The following MTA3 variants were observed in gnomAD, a reference collection of about 807,000 sequenced individuals.
MTA3 encodes metastasis-associated protein MTA3.
MTA3 carries 34 observed loss-of-function variants against 83.5 expected under a neutral mutation model. The observed-to-expected ratio is 0.41, with a 90% CI of 0.31 to 0.54. The LOEUF is 0.54. MTA3 is among the 20% of genes least tolerant of loss of function. The pLI is 0.33. For synonymous variants in MTA3, 303 were observed against 252.7 expected, an observed-to-expected ratio of 1.20 and a Z score of -1.89; for missense variants, 761 against 726.4, an observed-to-expected ratio of 1.05 and a Z score of -0.55.
At chr2:42,604,658 A>G (rs1683018948) in intron 3 of MTA3, among the ~76,000 whole-genome samples, 1 of 135,344 alleles carries the variant, frequency 7.4e-6, no homozygotes, top group South Asian at 2.7e-4. Flanking sequence ...TCATGGGACA[A>G]TAGTGGAGGG....
intron 4 of MTA3, among the ~76,000 whole-genome samples, chr2:42,611,760 A>G (rs1431266151): frequency 1.3e-5 from 2 of 152,132 alleles, no homozygotes; most frequent in African/African-American, 4.8e-5. Context: ...GGCTGCTGTG[A>G]GCCACAGTTA....
chr2:42,701,129 T>C (rs923232179), intron 11 of MTA3, among the ~76,000 whole-genome samples: 4 of 151,584 alleles, frequency 2.6e-5, no homozygotes, highest in African/African-American at 9.7e-5. Flanking sequence ...TAATAAATAA[T>C]ACATTTTTAT....
intron 2 of MTA3, among the ~76,000 whole-genome samples, chr2:42,544,652 G>A (rs1420858710): frequency 1.3e-5 from 2 of 151,082 alleles, no homozygotes; most frequent in African/African-American, 4.9e-5. Flanking sequence ...CTCCCAAAGT[G>A]CTGGGATTAC....
intron 14 of MTA3, among the ~76,000 whole-genome samples, 167 bp from the exon 15 acceptor site, chr2:42,718,821 G>A (rs1667213233): frequency 6.6e-6 from 1 of 152,082 alleles, no homozygotes; most frequent in Non-Finnish European, 1.5e-5. Context: ...TTTAGAAATT[G>A]GGAACCAGAA....
chr2:42,509,788 CA>C (rs1015550458), intron 2 of MTA3, among the ~76,000 whole-genome samples: 95 of 151,150 alleles, frequency 6.3e-4, no homozygotes, highest in Non-Finnish European at 1.1e-3. Context: ...AAAAACAAAA[CA>C]AAAAAAAGTA....
intron 16 of MTA3, among the ~76,000 whole-genome samples, chr2:42,737,868 A>G (rs544974831): frequency 3.9e-5 from 6 of 152,216 alleles, no homozygotes; most frequent in Non-Finnish European, 5.9e-5. Flanking sequence ...ATTTACAGGC[A>G]TACCTCAGAG....
chr2:42,568,089 G>C, upstream of MTA3: 1 of 152,260 alleles, frequency 6.6e-6, no homozygotes, highest in East Asian at 1.9e-4. Context: ...CCTAGAGCCT[G>C]CAGGCTCCAG....
intron 3 of MTA3, among the ~76,000 whole-genome samples, chr2:42,580,006 C>G (rs551267437): frequency 6.6e-6 from 1 of 151,970 alleles, no homozygotes; most frequent in African/African-American, 2.4e-5. Context: ...TGCAGTGGCA[C>G]AATCATGGCT....
chr2:42,572,642 T>A (rs1678617921), intron 2 of MTA3, among the ~76,000 whole-genome samples: 2 of 152,184 alleles, frequency 1.3e-5, no homozygotes, highest in South Asian at 4.1e-4. Flanking sequence ...CCAATTAAAA[T>A]TTTCACATTA....
At chr2:42,662,168 A>T (rs897800848) in intron 8 of MTA3, among the ~76,000 whole-genome samples, 3 of 152,108 alleles carry the variant, frequency 2.0e-5, no homozygotes, top group Non-Finnish European at 4.4e-5. Flanking sequence ...ATATAATACT[A>T]CACAACATTA....
At chr2:42,673,913 G>A (rs1453981767) in intron 8 of MTA3, among the ~76,000 whole-genome samples, 1 of 152,228 alleles carries the variant, frequency 6.6e-6, no homozygotes, top group Non-Finnish European at 1.5e-5. Flanking sequence ...GGTGAATTAA[G>A]TTCTTTAGTC....
At chr2:42,657,100 C>T (rs1215753030) in intron 7 of MTA3, among the ~76,000 whole-genome samples, 1 of 152,102 alleles carries the variant, frequency 6.6e-6, no homozygotes, top group Non-Finnish European at 1.5e-5. Flanking sequence ...ATATAGGGAA[C>T]TCTAACAAAT....
At chr2:42,508,411 A>G (rs1309204486) in intron 2 of MTA3, among the ~76,000 whole-genome samples, 1 of 151,970 alleles carries the variant, frequency 6.6e-6, no homozygotes, top group African/African-American at 2.4e-5. Flanking sequence ...CACTCATTGC[A>G]GCCTCAACCT....
chr2:42,673,984 T>A (rs1456388481), intron 8 of MTA3, among the ~76,000 whole-genome samples: 1 of 152,196 alleles, frequency 6.6e-6, no homozygotes, highest in Non-Finnish European at 1.5e-5. Flanking sequence ...ACAACAAGCA[T>A]TGATTTCTGA....
At chr2:42,709,227 T>C in intron 14 of MTA3, 131 bp downstream of exon 14, 1 of 1,445,744 alleles carries the variant, frequency 6.9e-7, no homozygotes, top group Non-Finnish European at 9.1e-7. Flanking sequence ...TTTTATTTGG[T>C]TTATTTTTTA....
intron 3 of MTA3, among the ~76,000 whole-genome samples, chr2:42,585,555 A>C (rs988958835): frequency 2.7e-5 from 4 of 148,998 alleles, no homozygotes; most frequent in Non-Finnish European, 4.4e-5. Context: ...GCTCACTGCA[A>C]CCTCCGCCTC....
At chr2:42,571,412 TTGAGA>T (rs1678466508) in intron 2 of MTA3, among the ~76,000 whole-genome samples, 1 of 142,694 alleles carries the variant, frequency 7.0e-6, no homozygotes. Flanking sequence ...AAAAAAAAAG[TTGAGA>T]TTTTAGAGAG....
chr2:42,722,822 C>T (rs529294283), intron 15 of MTA3, 67 bp from the exon 16 acceptor site: 58 of 1,509,892 alleles, frequency 3.8e-5, no homozygotes, highest in Admixed American at 2.0e-4. Flanking sequence ...TGCCTATTAG[C>T]CAATGTAAAT....
intron 10 of MTA3, among the ~76,000 whole-genome samples, chr2:42,697,202 A>G (rs928357081): frequency 5.9e-5 from 9 of 152,150 alleles, no homozygotes; most frequent in African/African-American, 2.2e-4. Context: ...TCCTTTCCCT[A>G]CATATGGCTC....
Sources: gnomAD v4.1 joint callset for allele counts (sites outside exome capture counted in the v4.1 genomes callset) on GRCh38, gnomAD v4.1.1 for gene constraint, MANE v1.5 for transcripts, NCBI Gene and HGNC (gene_info 2026-07-23, HGNC 2026-07-21) for gene names.